KIF24: variants seen among roughly 807,000 people sequenced by gnomAD.
KIF24 encodes kinesin family member 24.
In KIF24, 81 loss-of-function variants were observed where a neutral mutation model predicts 118.9. That is an observed-to-expected ratio of 0.68 (90% CI 0.57 to 0.82). The LOEUF (loss-of-function observed/expected upper bound fraction) is 0.82. Ranked by LOEUF, KIF24 falls within the 40% of genes least tolerant of loss-of-function variation. The pLI is 0.00. For synonymous variants in KIF24, 599 were observed against 610.0 expected, an observed-to-expected ratio of 0.98 and a Z score of 0.27; for missense variants, 1,560 against 1,661.6, an observed-to-expected ratio of 0.94 and a Z score of 1.06.
chr9:34,287,980 G>T (rs1461617384), intron 5 of KIF24, among the ~76,000 whole-genome samples: 1 of 151,162 alleles, frequency 6.6e-6, no homozygotes, highest in Non-Finnish European at 1.5e-5. Flanking sequence ...TATTTCCCAG[G>T]CCTTAATCTC....
rs1322360688 is a variant in KIF24, at chr9:34,259,612, A to G, written c.1609T>C (p.Leu537=). ...CTGACTTACCGGTCAGCATAGCGCA[A>G]GGTGTTGAGAGTGTGTTCAGTGGCC... is the stretch of plus-strand genomic sequence containing the variant. The part of the protein sequence containing the change: ...HVATEHTLNT[L]RYADRVKELK... Residue 537 remains leucine (L), a synonymous_variant, in exon 10 of 13, where the codon TTG becomes CTG. Coordinates refer to ENST00000402558, the MANE Select transcript of KIF24 (RefSeq NM_194313.4). 1 of 1,613,772 alleles carries G rather than the reference A, an allele frequency of 6.2e-7. No individual in the cohort carries two copies. Among genetic ancestry groups the G allele is most frequent in the African/African-American group, 1.3e-5 (1 of 75,046 alleles).
chr9:34,321,563 TA>T (rs57959947), intron 1 of KIF24, among the ~76,000 whole-genome samples: 246 of 120,810 alleles, frequency 2.0e-3, no homozygotes, highest in African/African-American at 5.3e-3. Context: ...CCGATAGCAT[TA>T]AAAAAAAAAA....
intron 6 of KIF24, among the ~76,000 whole-genome samples, chr9:34,275,766 G>T (rs1321197530): frequency 6.6e-6 from 1 of 152,088 alleles, no homozygotes; most frequent in East Asian, 1.9e-4. Context: ...CTTGAACCCA[G>T]GAGGCGGAGG....
chr9:34,290,968 G>A (rs968922376), intron 4 of KIF24, among the ~76,000 whole-genome samples: 3 of 152,050 alleles, frequency 2.0e-5, no homozygotes, highest in African/African-American at 7.2e-5. Context: ...AAAGAAACAA[G>A]GGCTTTAAAG....
At chr9:34,294,996 T>C (rs1377518988) in intron 4 of KIF24, among the ~76,000 whole-genome samples, 3 of 152,226 alleles carry the variant, frequency 2.0e-5, no homozygotes, top group East Asian at 3.8e-4. Flanking sequence ...TGCATCTTAT[T>C]GTATGTAAAT....
chr9:34,296,479 G>A (rs13290520), intron 4 of KIF24, among the ~76,000 whole-genome samples: 71,367 of 150,648 alleles, frequency 0.47, 19,850 homozygotes, highest in South Asian at 0.64. Flanking sequence ...AGAGCTTGCA[G>A]TGAGCTGAGA....
Position 34,318,976 on chromosome 9 carries a change from C to A in KIF24, c.-25-7605G>T. The A allele has an allele frequency of 7.7e-7, 1 of 1,291,584 alleles. No individual in the cohort carries two copies. Among genetic ancestry groups the A allele is most frequent in the Non-Finnish European group, 1.1e-6 (1 of 891,894 alleles). 80.0% of individuals were successfully genotyped at this position (1,291,584 alleles called of 1,614,324 possible). Reference sequence around the variant, plus strand: ...GCAAGCTGCCCAAGGTCACCAAGGACATGGAGTGCATGGATGGCGCCCTGC... The same window carrying A: ...GCAAGCTGCCCAAGGTCACCAAGGAAATGGAGTGCATGGATGGCGCCCTGC... On this transcript the variant is annotated intron_variant, in intron 1 of 12. Transcript: ENST00000402558. The surrounding 1 kb of genome is among the most constrained non-coding windows in gnomAD (Gnocchi z 4.9).
intron 9 of KIF24, among the ~76,000 whole-genome samples, chr9:34,260,334 G>A (rs557436042): frequency 6.6e-6 from 1 of 151,984 alleles, no homozygotes; most frequent in East Asian, 1.9e-4. Context: ...TAAAAATCTA[G>A]GTATCTATAA....
intron 1 of KIF24, among the ~76,000 whole-genome samples, chr9:34,327,846 A>ATAAT (rs60906115): frequency 0.29 from 42,987 of 149,570 alleles, 6,479 homozygotes; most frequent in Admixed American, 0.36. Context: ...AATAAAAAAA[A>ATAAT]AATAATAATA....
At position 34,318,792 on chromosome 9, in the gene KIF24, T is replaced by C; in HGVS notation, c.-25-7421A>G. Reference sequence around the variant, plus strand: ...ACCGCGCGCAACGTGACCTGGAAGCTGTGCAGTCGCCTGTAGGGACCCAGC... The same window carrying C: ...ACCGCGCGCAACGTGACCTGGAAGCCGTGCAGTCGCCTGTAGGGACCCAGC... On this transcript the variant is annotated intron_variant, in intron 1 of 12. Coordinates refer to ENST00000402558, the MANE Select transcript of KIF24 (RefSeq NM_194313.4). The surrounding 1 kb of genome is among the most constrained non-coding windows in gnomAD (Gnocchi z 4.9). 9.0e-6 allele frequency: 14 copies of C among 1,547,482 alleles called. No homozygotes were observed. The South Asian group carries it at 1.3e-4, about 15-fold the overall frequency.
chr9:34,255,377 G>A (rs559162712), intron 11 of KIF24, among the ~76,000 whole-genome samples: 1 of 152,168 alleles, frequency 6.6e-6, no homozygotes, highest in East Asian at 1.9e-4. Context: ...GATACAGGGA[G>A]GGAGACAGGG....
At chr9:34,269,781 A>G (rs1317085449) in intron 7 of KIF24, among the ~76,000 whole-genome samples, 1 of 152,148 alleles carries the variant, frequency 6.6e-6, no homozygotes, top group Non-Finnish European at 1.5e-5. Flanking sequence ...ACATTGGCCC[A>G]TCCTCTGGAA....
chr9:34,263,538 G>C (rs1835172715), intron 8 of KIF24, among the ~76,000 whole-genome samples: 3 of 151,994 alleles, frequency 2.0e-5, no homozygotes, highest in Admixed American at 2.0e-4. Context: ...CTTCCCAACT[G>C]TTGATGCACT....
intron 7 of KIF24, among the ~76,000 whole-genome samples, chr9:34,271,434 G>A (rs935700341): frequency 6.6e-6 from 1 of 152,086 alleles, no homozygotes; most frequent in African/African-American, 2.4e-5. Context: ...CACCAGAGAG[G>A]CAATGAATGT....
chr9:34,310,405 C>T (rs1204533465), intron 2 of KIF24, among the ~76,000 whole-genome samples: 1 of 152,076 alleles, frequency 6.6e-6, no homozygotes, highest in East Asian at 1.9e-4. Flanking sequence ...AACTATTTCA[C>T]TTTCACAGAT....
chr9:34,307,367 G>C (rs1274091031), intron 2 of KIF24, among the ~76,000 whole-genome samples: 1 of 150,448 alleles, frequency 6.6e-6, no homozygotes, highest in East Asian at 2.0e-4. Context: ...GCTCAGCCTG[G>C]AGAATAATTT....
chr9:34,259,217 A>G (rs1834964861), intron 10 of KIF24, among the ~76,000 whole-genome samples: 1 of 152,190 alleles, frequency 6.6e-6, no homozygotes, highest in Non-Finnish European at 1.5e-5. Flanking sequence ...TTGACAAGTA[A>G]TATGTCTTCT....
upstream of KIF24, chr9:34,329,474 T>C (rs1299482404): frequency 6.6e-6 from 1 of 152,266 alleles, no homozygotes; most frequent in Non-Finnish European, 1.5e-5. Context: ...ACGCGCACCT[T>C]TGAGGCGGGT....
chr9:34,318,999 T>A lies in KIF24; in HGVS notation c.-25-7628A>T. On this transcript the variant is annotated intron_variant, in intron 1 of 12. Transcript: ENST00000402558. The surrounding 1 kb of genome is among the most constrained non-coding windows in gnomAD (Gnocchi z 4.9). ...GACATGGAGTGCATGGATGGCGCCC[T>A]GCTTGTCAACACCATGTTCTTCAAG... is the stretch of plus-strand genomic sequence containing the variant. 12 of 1,239,356 alleles carry A rather than the reference T, an allele frequency of 9.7e-6. No individual in the cohort carries two copies. The South Asian group carries it at 1.4e-4, about 15-fold the overall frequency. 76.8% of individuals were successfully genotyped at this position (1,239,356 alleles called of 1,614,324 possible).
Sources: gnomAD v4.1 joint callset for allele counts (sites outside exome capture counted in the v4.1 genomes callset) on GRCh38, gnomAD v4.1.1 for gene constraint, Gnocchi (gnomAD v3.1) non-coding constraint, MANE v1.5 for transcripts, NCBI Gene and HGNC (gene_info 2026-07-23, HGNC 2026-07-21) for gene names.